The following PCDHGA4 variants were observed in gnomAD, a reference collection of about 807,000 sequenced individuals.
PCDHGA4 encodes protocadherin gamma subfamily A, 4, also known as protocadherin gamma-A4.
A neutral mutation model predicts 54.6 loss-of-function variants in PCDHGA4; 38 were observed. That is an observed-to-expected ratio of 0.70 (90% CI 0.54 to 0.91). PCDHGA4 has a LOEUF of 0.91. PCDHGA4 is among the 40% of genes least tolerant of loss of function. The probability of loss-of-function intolerance (pLI) is 0.00; values close to 1 mark genes in which losing one functional copy is unlikely to be tolerated. For missense variants in PCDHGA4, 1,298 were observed against 1,220.9 expected (o/e 1.06, Z -0.94); for synonymous variants, 511 against 512.9 (o/e 1.00, Z 0.05).
rs754034325 is a variant in PCDHGA4 at position 141,413,380 on chromosome 5, C to T, written c.2514+55759C>T. On this transcript the variant is annotated intron_variant, in intron 1 of 3. Coordinates refer to ENST00000571252, the MANE Select transcript of PCDHGA4 (RefSeq NM_018917.4). ...CCGGGAGCTGGCGGAGCGCGGAGTC[C>T]GCATAGTCTCCAGAGGTAGGACGCA... is the stretch of plus-strand genomic sequence containing the variant. 4 of 1,613,962 alleles carry T rather than the reference C, an allele frequency of 2.5e-6. No individual in the cohort carries two copies. In the Middle Eastern group the frequency reaches 5.0e-4, roughly 200 times the overall value.
rs747205741 is a variant in PCDHGA4, at chr5:141,384,243, C to A, written c.2514+26622C>A. On this transcript the variant is annotated intron_variant, in intron 1 of 3. Coordinates refer to ENST00000571252, the MANE Select transcript of PCDHGA4 (RefSeq NM_018917.4). ...TGCAGGTGGCAGACACCAACGATAA[C>A]CCACCCACCTTCCCCCACTCATCCT... 3.5e-5 allele frequency: 56 copies of A among 1,613,762 alleles called. 1 individual carries two copies. The South Asian group carries it at 6.0e-4, about 17-fold the overall frequency.
Position 141,357,022 on chromosome 5 carries a change from C to T in PCDHGA4, c.1915C>T (p.Leu639=), listed in dbSNP as rs1318663239. 1 of 1,614,150 alleles carries T rather than the reference C, an allele frequency of 6.2e-7. No individual in the cohort carries two copies. Among genetic ancestry groups the T allele is most frequent in the Non-Finnish European group, 8.5e-7 (1 of 1,180,008 alleles). Residue 639 remains leucine, a synonymous_variant, in exon 1 of 4, where the codon CTA becomes TTA. Coordinates refer to ENST00000571252, the MANE Select transcript of PCDHGA4 (RefSeq NM_018917.4). ...SGQNAWLSYS[L]LKSSEPGLFA... The stretch of plus-strand genomic sequence containing the variant: ...TCAGAATGCCTGGCTGTCCTACAGC[C>T]TACTCAAGTCCAGCGAGCCGGGACT...
chr5:141,431,126 G>A lies in PCDHGA4; in HGVS notation c.2515-63681G>A, dbSNP rs2097344901. The A allele has an allele frequency of 2.5e-6, 4 of 1,614,114 alleles. No individual in the cohort carries two copies. Among genetic ancestry groups the A allele is most frequent in the Non-Finnish European group, 3.4e-6 (4 of 1,180,038 alleles). On this transcript the variant is annotated intron_variant, in intron 1 of 3. Coordinates refer to ENST00000571252, the MANE Select transcript of PCDHGA4 (RefSeq NM_018917.4). The surrounding 1 kb of genome is among the most constrained non-coding windows in gnomAD (Gnocchi z 4.8). ...GAAAATATATGGAGTAGAAGTAGAA[G>A]TAAGGGACATTAACGACAATGCGCC... is the stretch of plus-strand genomic sequence containing the variant.
chr5:141,362,014 C>A lies in PCDHGA4; in HGVS notation c.2514+4393C>A, dbSNP rs748394772. On this transcript the variant is annotated intron_variant, in intron 1 of 3. Transcript: ENST00000571252. ...CCTGGGGTTGCGCACGGGTGAGGTG[C>A]GCACAGCGCGTGCCTTGGGCGACAG... 16 of 1,606,054 alleles carry A rather than the reference C, an allele frequency of 1.0e-5. No individual in the cohort carries two copies. The highest frequency in any genetic ancestry group is 3.4e-5 in the Admixed American group (2 of 59,616).
intron 1 of PCDHGA4, among the ~76,000 whole-genome samples, chr5:141,469,096 G>A (rs1191827174): frequency 6.6e-6 from 1 of 151,944 alleles, no homozygotes; most frequent in Non-Finnish European, 1.5e-5. Flanking sequence ...AGGCAACAAA[G>A]CAAGAACCTG....
At chr5:141,404,614 C>T in intron 1 of PCDHGA4, 5 of 1,614,078 alleles carry the variant, frequency 3.1e-6, no homozygotes, top group Non-Finnish European at 4.2e-6. Context: ...TTGTTTTGGA[C>T]CAGAATGACA....
chr5:141,410,714 T>C (rs1561730445), intron 1 of PCDHGA4: 7 of 1,434,512 alleles, frequency 4.9e-6, no homozygotes, highest in Middle Eastern at 1.8e-4. Flanking sequence ...TAGAATCATA[T>C]GTTTAAAATC....
Position 141,491,819 on chromosome 5 carries a change from G to C in PCDHGA4, c.2515-2988G>C. The C allele has an allele frequency of 6.7e-7, 1 of 1,482,028 alleles. No individual in the cohort carries two copies. Among genetic ancestry groups the C allele is most frequent in the Non-Finnish European group, 9.0e-7 (1 of 1,116,648 alleles). The allele number at this position is 1,482,028 out of a possible 1,614,324, so 91.8% of individuals were successfully genotyped here. A position where few individuals can be genotyped will look rare whatever the true frequency, so the allele number is the denominator to read the frequency against. On this transcript the variant is annotated intron_variant, in intron 1 of 3. Transcript: ENST00000571252. This position sits in a 1 kb window ranked among gnomAD's most constrained non-coding sequence, Gnocchi z 6.9. ...TCCGGCCGGCTTGGTCGCTGGCTGCGCTCCACCCGATTCTCGGGATCATTG... is the reference window on the plus strand; with the variant it reads ...TCCGGCCGGCTTGGTCGCTGGCTGCCCTCCACCCGATTCTCGGGATCATTG...
intron 1 of PCDHGA4, 94 bp downstream of exon 1, chr5:141,357,715 G>C: frequency 6.9e-7 from 1 of 1,449,624 alleles, no homozygotes; most frequent in Non-Finnish European, 9.2e-7. Context: ...ATCAAATAAA[G>C]TTGCCTCTTT....
rs1379165574 is a variant in PCDHGA4, at chr5:141,356,544, C to T, written c.1437C>T (p.Asn479=). The T allele has an allele frequency of 6.2e-7, 1 of 1,614,126 alleles. No individual in the cohort carries two copies. ...ISLQVMDIND[N]PPTFPHASYS... is the part of the protein sequence containing the mutation. ...TGCAAGTGATGGACATCAATGACAA[C>T]CCACCCACTTTCCCTCATGCTTCCT... Residue 479 remains asparagine, a synonymous_variant, in exon 1 of 4, where the codon AAC becomes AAT. Coordinates refer to ENST00000571252, the MANE Select transcript of PCDHGA4 (RefSeq NM_018917.4).
chr5:141,375,181 C>T (rs868598149), intron 1 of PCDHGA4: 1 of 1,613,954 alleles, frequency 6.2e-7, no homozygotes, highest in Non-Finnish European at 8.5e-7. Flanking sequence ...GAACAGTAAT[C>T]GCCCTTTTTC....
chr5:141,356,734 G>A lies in PCDHGA4; in HGVS notation c.1627G>A (p.Gly543Arg), dbSNP rs781480636. The A allele has an allele frequency of 6.2e-7, 1 of 1,613,990 alleles. No individual in the cohort carries two copies. ...SSYVSINSNT[G>R]ILYALCSFDY... ...CTATGTCTCCATCAACTCCAATACA[G>A]GGATCCTATATGCTCTTTGCTCCTT... Residue 543 changes from glycine to arginine, a missense_variant, in exon 1 of 4, where the codon GGG becomes AGG. Transcript: ENST00000571252.
intron 1 of PCDHGA4, chr5:141,361,529 A>C (rs1251773274): frequency 8.7e-6 from 14 of 1,613,912 alleles, no homozygotes; most frequent in Non-Finnish European, 1.2e-5. Flanking sequence ...GCAGAGAACA[A>C]TCCTCCTGGC....
At position 141,432,463 on chromosome 5, in the gene PCDHGA4, C is replaced by T; in HGVS notation, c.2515-62344C>T. ...CCGAGATCCTGTACCCCGCCCTCCC[C>T]ACGGACGGTTCCACTGGCGTGGAGC... On this transcript the variant is annotated intron_variant, in intron 1 of 3. Transcript: ENST00000571252. The surrounding 1 kb of genome is among the most constrained non-coding windows in gnomAD (Gnocchi z 6.0). 6.2e-7 allele frequency: 1 copy of T among 1,614,238 alleles called. No individual in the cohort carries two copies. The highest frequency in any genetic ancestry group is 1.1e-5 in the South Asian group (1 of 91,084).
intron 1 of PCDHGA4, chr5:141,415,179 G>A: frequency 6.2e-7 from 1 of 1,613,934 alleles, no homozygotes; most frequent in Non-Finnish European, 8.5e-7. Flanking sequence ...CCGTGGCCGT[G>A]GCCGACAGCA....
In PCDHGA4 at chr5:141,476,351, G is replaced by A; in HGVS notation, c.2515-18456G>A. The A allele has an allele frequency of 1.2e-6, 2 of 1,614,182 alleles. No individual in the cohort carries two copies. The highest frequency in any genetic ancestry group is 1.7e-6 in the Non-Finnish European group (2 of 1,180,046). ...TGGAGCTAGCCGAAGATTCTTTGAG[G>A]TGAACCGGGAGACCGGAGAGATGTT... On this transcript the variant is annotated intron_variant, in intron 1 of 3. Coordinates refer to ENST00000571252, the MANE Select transcript of PCDHGA4 (RefSeq NM_018917.4). This position sits in a 1 kb window ranked among gnomAD's most constrained non-coding sequence, Gnocchi z 7.6.
intron 1 of PCDHGA4, chr5:141,360,925 G>A: frequency 6.2e-7 from 1 of 1,614,018 alleles, no homozygotes; most frequent in Non-Finnish European, 8.5e-7. Context: ...TGTGCTTCAA[G>A]TGACAGCCAC....
intron 1 of PCDHGA4, chr5:141,383,705 T>A: frequency 1.2e-6 from 2 of 1,614,020 alleles, no homozygotes; most frequent in Non-Finnish European, 1.7e-6. Flanking sequence ...GCTATCGACC[T>A]GGACGAGGGA....
intron 1 of PCDHGA4, among the ~76,000 whole-genome samples, chr5:141,447,527 A>C (rs1278828003): frequency 6.6e-6 from 1 of 152,224 alleles, no homozygotes; most frequent in East Asian, 1.9e-4. Flanking sequence ...TCATAACAAA[A>C]TTGTTGGGTT....
Sources: allele counts gnomAD v4.1 joint callset (sites outside exome capture counted in the v4.1 genomes callset), GRCh38; gene constraint gnomAD v4.1.1; non-coding constraint Gnocchi (gnomAD v3.1); transcripts MANE v1.5; gene names NCBI Gene and HGNC (gene_info 2026-07-23, HGNC 2026-07-21).